SUSD6: variants seen among roughly 807,000 people sequenced by gnomAD.
The protein encoded by SUSD6 is sushi domain containing 6, also known as sushi domain-containing protein 6.
Under a neutral mutation model 28.4 loss-of-function variants are expected in SUSD6, and 16 were observed. The observed-to-expected ratio is 0.56, with a 90% CI of 0.38 to 0.86. SUSD6 has a LOEUF of 0.86. SUSD6 is among the 40% of genes least tolerant of loss of function. SUSD6 has a pLI of 0.00. For missense variants in SUSD6, 341 were observed against 384.2 expected (o/e 0.89, Z 0.94); for synonymous variants, 147 against 159.6 (o/e 0.92, Z 0.59).
chr14:69,630,552 T>C (rs1200367028), intron 1 of SUSD6, among the ~76,000 whole-genome samples: 1 of 152,134 alleles, frequency 6.6e-6, no homozygotes, highest in Non-Finnish European at 1.5e-5. Flanking sequence ...TAGATGGACA[T>C]GTAATGACGT....
intron 2 of SUSD6, among the ~76,000 whole-genome samples, chr14:69,681,559 A>AG (rs1885997773): frequency 6.6e-6 from 1 of 152,202 alleles, no homozygotes; most frequent in South Asian, 2.1e-4. Context: ...ACGGCCCCGT[A>AG]GGGGGATCTG....
chr14:69,653,723 A>G (rs1247149587), intron 1 of SUSD6, among the ~76,000 whole-genome samples: 2 of 141,442 alleles, frequency 1.4e-5, no homozygotes, highest in African/African-American at 2.6e-5. Context: ...GTATTTCTCT[A>G]GGGATAATGA....
Position 69,714,684 on chromosome 14 carries a change from T to A in SUSD6, c.*3705T>A, listed in dbSNP as rs1294099746. 1 of 152,264 alleles carries A rather than the reference T, an allele frequency of 6.6e-6. No homozygotes were observed. The highest frequency in any genetic ancestry group is 1.5e-5 in the Non-Finnish European group (1 of 68,050). 9.4% of individuals were successfully genotyped at this position (152,264 alleles called of 1,614,324 possible). A position where few individuals can be genotyped will look rare whatever the true frequency, so the allele number is the denominator to read the frequency against. On this transcript the variant is annotated 3_prime_UTR_variant, in exon 6 of 6. Transcript: ENST00000342745. ...GAAAAGGTGGCAGGCCCAGCTTTGC[T>A]GGGAAATGGCTCTTAATTTCCAGTT...
intron 1 of SUSD6, among the ~76,000 whole-genome samples, chr14:69,633,891 G>A (rs1296146385): frequency 3.9e-5 from 6 of 152,186 alleles, no homozygotes; most frequent in Admixed American, 3.9e-4. Context: ...GGTGAAAGGC[G>A]ACCTGATAGT....
chr14:69,621,183 G>A (rs1186242165), intron 1 of SUSD6, among the ~76,000 whole-genome samples: 1 of 152,148 alleles, frequency 6.6e-6, no homozygotes, highest in Non-Finnish European at 1.5e-5. Flanking sequence ...TTAATTGGAT[G>A]ATTAATAAAT....
At position 69,658,426 on chromosome 14, in the gene SUSD6, G is replaced by A; in HGVS notation, c.-80-87G>A. The A allele has an allele frequency of 6.2e-6, 4 of 644,824 alleles. No individual in the cohort carries two copies. In the South Asian group the frequency reaches 8.0e-5, roughly 13 times the overall value. 39.9% of individuals were successfully genotyped at this position (644,824 alleles called of 1,614,324 possible). ...TGCTAGAATTCTCTCAACTTTGTGT[G>A]TGATTATGGCTTCCTTACCAAAGTG... is the stretch of plus-strand genomic sequence containing the variant. On this transcript the variant is annotated intron_variant, in intron 1 of 5. Transcript: ENST00000342745.
chr14:69,632,366 T>G (rs1217105870), intron 1 of SUSD6, among the ~76,000 whole-genome samples: 4 of 152,014 alleles, frequency 2.6e-5, no homozygotes, highest in Non-Finnish European at 5.9e-5. Flanking sequence ...CTCTGTCTCA[T>G]CCCTCCTCCC....
chr14:69,644,914 A>C (rs1239664267), intron 1 of SUSD6, among the ~76,000 whole-genome samples: 1 of 152,174 alleles, frequency 6.6e-6, no homozygotes, highest in Non-Finnish European at 1.5e-5. Flanking sequence ...ACTTTGTACA[A>C]TTAGAAGGTG....
intron 2 of SUSD6, among the ~76,000 whole-genome samples, chr14:69,701,623 G>A (rs898477961): frequency 1.3e-5 from 2 of 152,136 alleles, no homozygotes; most frequent in African/African-American, 4.8e-5. Context: ...ACCAGAAGGA[G>A]TGTTTGCGTT....
Position 69,671,150 on chromosome 14 carries a change from GGAA to G in SUSD6, c.121+12443_121+12445del, listed in dbSNP as rs527756258. Among the ~76,000 whole-genome samples, 213 of 152,240 alleles carry G rather than the reference GGAA, an allele frequency of 1.4e-3. 1 individual carries two copies. The highest frequency in any genetic ancestry group is 2.2e-3 in the Non-Finnish European group (153 of 68,014). Reference sequence around the variant, plus strand: ...TTGTCAGAATTGTGGAGGAGGAGGAGGAAGAAGAGAAACAAGCTCTCTTGGAGT... The same window carrying G: ...TTGTCAGAATTGTGGAGGAGGAGGAGGAAGAGAAACAAGCTCTCTTGGAGT... On this transcript the variant is annotated intron_variant, in intron 2 of 5. Coordinates refer to ENST00000342745, the MANE Select transcript of SUSD6 (RefSeq NM_014734.4).
chr14:69,697,916 G>A lies in SUSD6; in HGVS notation c.122-5479G>A, dbSNP rs1435679377. Among the ~76,000 whole-genome samples, 9 of 152,184 alleles carry A rather than the reference G, an allele frequency of 5.9e-5. 1 individual carries two copies. Among genetic ancestry groups the A allele is most frequent in the Non-Finnish European group, 1.5e-5 (1 of 68,040 alleles). ...TCTCTAGGTTGTAGGCTTGTAGTGG[G>A]GGCATGGTTCTGTTACCGGAAAGAG... On this transcript the variant is annotated intron_variant, in intron 2 of 5. Coordinates refer to ENST00000342745, the MANE Select transcript of SUSD6 (RefSeq NM_014734.4).
At chr14:69,678,177 A>G (rs182666977) in intron 2 of SUSD6, among the ~76,000 whole-genome samples, 2,165 of 147,196 alleles carry the variant, frequency 0.015, 49 homozygotes, top group African/African-American at 0.051. Flanking sequence ...CTCTCTTGGG[A>G]AAAAAAAAAA....
intron 1 of SUSD6, among the ~76,000 whole-genome samples, chr14:69,645,788 C>A (rs1417920677): frequency 6.6e-6 from 1 of 151,044 alleles, no homozygotes; most frequent in African/African-American, 2.4e-5. Context: ...CTCGCTCTGT[C>A]ACCCAGGCTG....
At chr14:69,613,906 G>A (rs540377247) in intron 1 of SUSD6, among the ~76,000 whole-genome samples, 2 of 152,248 alleles carry the variant, frequency 1.3e-5, no homozygotes, top group East Asian at 3.9e-4. Context: ...GACTTCTTTC[G>A]CTGAAGCCTG....
rs778309496 is a variant in SUSD6 at position 69,714,293 on chromosome 14, T to C, written c.*3314T>C. The C allele has an allele frequency of 2.6e-5, 4 of 152,238 alleles. No individual in the cohort carries two copies. The highest frequency in any genetic ancestry group is 4.4e-5 in the Non-Finnish European group (3 of 68,056). The allele number at this position is 152,238 out of a possible 1,614,324, so 9.4% of individuals were successfully genotyped here. ...TCATGGGTGGTGGCACGGGAATAGA[T>C]AGCCCTTAGCCCTTTCCCTCCCAGT... On this transcript the variant is annotated 3_prime_UTR_variant, in exon 6 of 6. Coordinates refer to ENST00000342745, the MANE Select transcript of SUSD6 (RefSeq NM_014734.4).
chr14:69,700,600 T>C (rs548910693), intron 2 of SUSD6, among the ~76,000 whole-genome samples: 1 of 152,332 alleles, frequency 6.6e-6, no homozygotes, highest in African/African-American at 2.4e-5. Flanking sequence ...CCCACTTCAG[T>C]GCATTTACTT....
At chr14:69,678,553 A>G (rs1885951472) in intron 2 of SUSD6, among the ~76,000 whole-genome samples, 1 of 152,150 alleles carries the variant, frequency 6.6e-6, no homozygotes, top group African/African-American at 2.4e-5. Flanking sequence ...CTGTAATCCC[A>G]GCACTTTGAG....
intron 2 of SUSD6, among the ~76,000 whole-genome samples, chr14:69,666,005 TC>T (rs1415911563): frequency 3.9e-5 from 6 of 152,224 alleles, no homozygotes; most frequent in African/African-American, 1.2e-4. Context: ...GAAGATCAGA[TC>T]CTAGCACCAA....
intron 2 of SUSD6, among the ~76,000 whole-genome samples, chr14:69,663,524 A>C (rs1352347765): frequency 1.3e-5 from 2 of 152,254 alleles, no homozygotes; most frequent in Non-Finnish European, 2.9e-5. Flanking sequence ...CCCTCGAGTC[A>C]GAGAGAATGT....
Sources: gnomAD v4.1 joint callset for allele counts (sites outside exome capture counted in the v4.1 genomes callset) on GRCh38, gnomAD v4.1.1 for gene constraint, MANE v1.5 for transcripts, NCBI Gene and HGNC (gene_info 2026-07-23, HGNC 2026-07-21) for gene names.